The following FXYD2 variants were observed in gnomAD, a reference collection of about 807,000 sequenced individuals.
The protein encoded by FXYD2 is sodium/potassium-transporting ATPase subunit gamma.
Under a neutral mutation model 11.8 loss-of-function variants are expected in FXYD2, and 8 were observed. The ratio of observed to expected loss-of-function variants is 0.68; its 90% CI spans 0.40 to 1.22. The LOEUF (loss-of-function observed/expected upper bound fraction) is 1.22. Ranked by LOEUF, FXYD2 falls within the 50% of genes most tolerant of loss-of-function variation. The pLI is 0.01. For synonymous variants in FXYD2, 42 were observed against 33.3 expected (o/e 1.26, Z -0.90); for missense variants, 92 against 91.8 (o/e 1.00, Z -0.01).
chr11:117,820,770 A>G (rs2055880776), intron 4 of FXYD2, 74 bp from the exon 5 acceptor site: 2 of 1,613,128 alleles, frequency 1.2e-6, no homozygotes, highest in African/African-American at 2.7e-5. Flanking sequence ...GAGGCTGGGG[A>G]TCCTCCACTG....
Position 117,824,418 on chromosome 11 carries a change from G to C in FXYD2, c.25+236C>G, listed in dbSNP as rs1156933039. 2 of 619,802 alleles carry C rather than the reference G, an allele frequency of 3.2e-6. No individual in the cohort carries two copies. Among genetic ancestry groups the C allele is most frequent in the Non-Finnish European group, 5.8e-6 (2 of 343,584 alleles). 38.4% of individuals were successfully genotyped at this position (619,802 alleles called of 1,614,324 possible). A position where few individuals can be genotyped will look rare whatever the true frequency, so the allele number is the denominator to read the frequency against. ...CCGAGGAGGAACGCTCAGCTCTCCA[G>C]CTTCTATCTGCTGCCTTTCTGCCAC... On this transcript the variant is annotated intron_variant, in intron 1 of 5. Transcript: ENST00000292079. This position sits in a 1 kb window ranked among gnomAD's most constrained non-coding sequence, Gnocchi z 4.0.
chr11:117,822,291 C>A lies in FXYD2; in HGVS notation c.139+115G>T, dbSNP rs1429213435. The A allele has an allele frequency of 3.2e-6, 5 of 1,543,374 alleles. No homozygotes were observed. The highest frequency in any genetic ancestry group is 4.4e-6 in the Non-Finnish European group (5 of 1,145,156). On this transcript the variant is annotated intron_variant, in intron 3 of 5. Coordinates refer to ENST00000292079, the MANE Select transcript of FXYD2 (RefSeq NM_001680.5). This position sits in a 1 kb window ranked among gnomAD's most constrained non-coding sequence, Gnocchi z 4.7. ...CATTCCCACATCCTGCAGTGGGGGG[C>A]GTGGTGGGGAGGCTCACCCCTCCCT...
chr11:117,827,025 C>CG (rs144300071), upstream of FXYD2, among the ~76,000 whole-genome samples: 2,776 of 148,628 alleles, frequency 0.019, 212 homozygotes, highest in East Asian at 0.2. Context: ...GCTCCCACTG[C>CG]GGGGGGGAGG....
intron 3 of FXYD2, chr11:117,821,367 CTCTT>C (rs2055899217): frequency 3.5e-5 from 35 of 989,738 alleles, no homozygotes; most frequent in Middle Eastern, 1.0e-3. Context: ...AGCCTTCTCT[CTCTT>C]TATATAAGGC....
At position 117,822,398 on chromosome 11, in the gene FXYD2, C is replaced by T. The variant is rs1361013913; in HGVS notation, c.139+8G>A. The T allele has an allele frequency of 6.4e-7, 1 of 1,555,410 alleles. No individual in the cohort carries two copies. Among genetic ancestry groups the T allele is most frequent in the Admixed American group, 1.9e-5 (1 of 51,302 alleles). On this transcript the variant is annotated splice_region_variant and intron_variant, in intron 3 of 5. Coordinates refer to ENST00000292079, the MANE Select transcript of FXYD2 (RefSeq NM_001680.5). This position sits in a 1 kb window ranked among gnomAD's most constrained non-coding sequence, Gnocchi z 4.7. ...CAGCACCCCTTCCCTGGAGGCCACC[C>T]CACTTACTGAGGAGGATGAGGAGCC...
At chr11:117,821,014 G>A (rs1221801522) in intron 3 of FXYD2, 119 bp from the exon 4 acceptor site, 1 of 1,327,428 alleles carries the variant, frequency 7.5e-7, no homozygotes, top group African/African-American at 1.5e-5. Context: ...GCAGGGTCAG[G>A]CTTGGAGGCC....
chr11:117,826,774 GTCTGTCTA>G (rs1555040274), upstream of FXYD2, among the ~76,000 whole-genome samples: 286 of 93,290 alleles, frequency 3.1e-3, 1 homozygote, highest in Admixed American at 7.2e-3. Flanking sequence ...CTGTCTGTCT[GTCTGTCTA>G]TCTATCTATC....
At chr11:117,825,414 T>C (rs1454560114), upstream of FXYD2, among the ~76,000 whole-genome samples, 1 of 152,232 alleles carries the variant, frequency 6.6e-6, no homozygotes, top group East Asian at 1.9e-4. Context: ...GGCTCTCGGA[T>C]TGTGTCCTTG....
chr11:117,828,084 G>C, upstream of FXYD2: 2 of 1,548,970 alleles, frequency 1.3e-6, no homozygotes, highest in Non-Finnish European at 1.7e-6. Context: ...GGCCTGGATG[G>C]AGAGTGGCAC....
upstream of FXYD2, among the ~76,000 whole-genome samples, chr11:117,827,608 A>G (rs959156311): frequency 2.0e-5 from 3 of 152,198 alleles, no homozygotes; most frequent in South Asian, 2.1e-4. Flanking sequence ...CATTATTATC[A>G]CCCCATTTCA....
Position 117,823,348 on chromosome 11 carries a change from G to A in FXYD2, c.26-631C>T, listed in dbSNP as rs113328170. Among the ~76,000 whole-genome samples, 50 of 152,316 alleles carry A rather than the reference G, an allele frequency of 3.3e-4. 1 individual carries two copies. The highest frequency in any genetic ancestry group is 1.2e-3 in the African/African-American group (48 of 41,564). ...AACCATTATGGCAACCTTATGAGGC[G>A]TCAATGTCATTCTGGTGTAATCCAC... On this transcript the variant is annotated intron_variant, in intron 1 of 5. Transcript: ENST00000292079.
At chr11:117,827,116 ATAGATAG>A (rs2056060514), upstream of FXYD2, among the ~76,000 whole-genome samples, 1 of 136,206 alleles carries the variant, frequency 7.3e-6, no homozygotes, top group Non-Finnish European at 1.6e-5. Flanking sequence ...AGATAGATAG[ATAGATAG>A]ATAGATAGAT....
chr11:117,824,936 T>A (rs1318534904), upstream of FXYD2, among the ~76,000 whole-genome samples: 1 of 152,184 alleles, frequency 6.6e-6, no homozygotes, highest in Non-Finnish European at 1.5e-5. This position sits in a 1 kb window ranked among gnomAD's most constrained non-coding sequence, Gnocchi z 4.0. Flanking sequence ...AAAGGAAATT[T>A]CCAAAGAGAA....
chr11:117,826,778 GTCTA>G (rs150585221), upstream of FXYD2, among the ~76,000 whole-genome samples: 20,347 of 124,954 alleles, frequency 0.16, 1,542 homozygotes, highest in Middle Eastern at 0.21. Context: ...CTGTCTGTCT[GTCTA>G]TCTATCTATC....
chr11:117,820,929 A>G, intron 3 of FXYD2, 34 bp from the exon 4 acceptor site: 2 of 1,613,802 alleles, frequency 1.2e-6, no homozygotes, highest in Non-Finnish European at 1.7e-6. Flanking sequence ...GTTTCCATGG[A>G]CTAATTTTCC....
chr11:117,824,397 G>A lies in FXYD2; in HGVS notation c.25+257C>T, dbSNP rs2055990007. On this transcript the variant is annotated intron_variant, in intron 1 of 5. Transcript: ENST00000292079. The surrounding 1 kb of genome is among the most constrained non-coding windows in gnomAD (Gnocchi z 4.0). ...GGGCGGGTGTGTGCCAGGAGGCCGA[G>A]GAGGAACGCTCAGCTCTCCAGCTTC... The A allele has an allele frequency of 1.7e-6, 1 of 597,034 alleles. No individual in the cohort carries two copies. The highest frequency in any genetic ancestry group is 3.0e-6 in the Non-Finnish European group (1 of 332,718). The allele number at this position is 597,034 out of a possible 1,614,324, so 37.0% of individuals were successfully genotyped here.
upstream of FXYD2, chr11:117,824,858 C>T (rs922365916): frequency 2.6e-6 from 2 of 783,340 alleles, no homozygotes; most frequent in East Asian, 2.7e-5. The surrounding 1 kb of genome is among the most constrained non-coding windows in gnomAD (Gnocchi z 4.0). Flanking sequence ...GGGGCTCCTT[C>T]TGCAGGGTGA....
In FXYD2 at chr11:117,824,523, A is replaced by G. The variant is rs1446498408; in HGVS notation, c.25+131T>C. 2 of 766,644 alleles carry G rather than the reference A, an allele frequency of 2.6e-6. No individual in the cohort carries two copies. Among genetic ancestry groups the G allele is most frequent in the African/African-American group, 3.4e-5 (2 of 58,356 alleles). The allele number at this position is 766,644 out of a possible 1,614,324, so 47.5% of individuals were successfully genotyped here. On this transcript the variant is annotated intron_variant, in intron 1 of 5. Coordinates refer to ENST00000292079, the MANE Select transcript of FXYD2 (RefSeq NM_001680.5). This position sits in a 1 kb window ranked among gnomAD's most constrained non-coding sequence, Gnocchi z 4.0. ...TCTTAGAGAGGAGGCCGACAGGAAG[A>G]GGGGCTGGGTACTCTGGAAGGCTGA...
chr11:117,826,810 ATCTATCTATCTATCTG>A (rs1438451918), upstream of FXYD2, among the ~76,000 whole-genome samples: 514 of 137,816 alleles, frequency 3.7e-3, 2 homozygotes, highest in African/African-American at 0.011. Context: ...CTATCTATCT[ATCTATCTATCTATCTG>A]TCTATCTATC....
Sources: allele counts gnomAD v4.1 joint callset (sites outside exome capture counted in the v4.1 genomes callset), GRCh38; gene constraint gnomAD v4.1.1; non-coding constraint Gnocchi (gnomAD v3.1); transcripts MANE v1.5; gene names NCBI Gene and HGNC (gene_info 2026-07-23, HGNC 2026-07-21).